The following SDK2 variants were observed in gnomAD, a reference collection of about 807,000 sequenced individuals.
SDK2 encodes the protein sidekick cell adhesion molecule 2.
SDK2 carries 105 observed loss-of-function variants against 253.9 expected under a neutral mutation model. The observed-to-expected ratio is 0.41, with a 90% CI of 0.35 to 0.49. SDK2 has a LOEUF of 0.49. Ranked by LOEUF, SDK2 falls within the 20% of genes least tolerant of loss-of-function variation. The pLI is 0.06. For synonymous variants in SDK2, 1,249 were observed against 1,234.9 expected (o/e 1.01, Z -0.24); for missense variants, 2,608 against 3,003.0 (o/e 0.87, Z 3.07).
chr17:73,379,126 G>T lies in SDK2; in HGVS notation c.4980+51C>A. 1.4e-6 allele frequency: 2 copies of T among 1,390,326 alleles called. No homozygotes were observed. The highest frequency in any genetic ancestry group is 1.3e-5 in the South Asian group (1 of 79,572). 86.1% of individuals were successfully genotyped at this position (1,390,326 alleles called of 1,614,324 possible). On this transcript the variant is annotated intron_variant, in intron 36 of 44. Coordinates refer to ENST00000392650, the MANE Select transcript of SDK2 (RefSeq NM_001144952.2). The surrounding 1 kb of genome is among the most constrained non-coding windows in gnomAD (Gnocchi z 4.5). ...ACATATCACTCACTCCCCAGCCTCC[G>T]ACCTGGCTTCTCATCCGTGCACCCC...
At position 73,361,697 on chromosome 17, in the gene SDK2, C is replaced by A; in HGVS notation, c.5454G>T (p.Thr1818=). Residue 1818 remains threonine, a synonymous_variant, in exon 39 of 45, where the codon ACG becomes ACT. Transcript: ENST00000392650. The surrounding 1 kb of genome is among the most constrained non-coding windows in gnomAD (Gnocchi z 4.1). The part of the protein sequence containing the change: ...YGPEIEANVT[T]GPGEGAPGPP... ...TTGCTCTCCTACCTTCTCCGGGGCC[C>A]GTGGTGACGTTGGCTTCGATCTCCG... 6.2e-7 allele frequency: 1 copy of A among 1,611,704 alleles called. No individual in the cohort carries two copies. The highest frequency in any genetic ancestry group is 8.5e-7 in the Non-Finnish European group (1 of 1,178,020).
chr17:73,535,161 G>A (rs2044753498), intron 1 of SDK2, among the ~76,000 whole-genome samples: 2 of 152,242 alleles, frequency 1.3e-5, no homozygotes. Flanking sequence ...CCATGTGTGA[G>A]GACAGCAGGG....
chr17:73,539,125 C>T (rs1380826808), intron 1 of SDK2, among the ~76,000 whole-genome samples: 3 of 152,158 alleles, frequency 2.0e-5, no homozygotes, highest in Non-Finnish European at 4.4e-5. Context: ...TTAGAAGTCC[C>T]CATCCCCAAA....
intron 37 of SDK2, among the ~76,000 whole-genome samples, chr17:73,366,757 TG>T (rs1462410461): frequency 3.3e-5 from 5 of 152,122 alleles, no homozygotes; most frequent in Non-Finnish European, 5.9e-5. Flanking sequence ...ACGGGGCTTC[TG>T]GGAGGGTTAA....
In SDK2 at chr17:73,358,069, C is replaced by G; in HGVS notation, c.5593+10G>C. On this transcript the variant is annotated intron_variant, in intron 40 of 44. Coordinates refer to ENST00000392650, the MANE Select transcript of SDK2 (RefSeq NM_001144952.2). ...GCTGTGGGGTCTCAGCCCAGCAGGG[C>G]GGGGCGCACCTGAAGGTCTGGCCTC... 1.2e-6 allele frequency: 2 copies of G among 1,612,992 alleles called. No homozygotes were observed. The highest frequency in any genetic ancestry group is 1.7e-6 in the Non-Finnish European group (2 of 1,179,742).
Position 73,437,953 on chromosome 17 carries a change from C to T in SDK2, c.916+11G>A, listed in dbSNP as rs757879676. 30 of 1,552,914 alleles carry T rather than the reference C, an allele frequency of 1.9e-5. No individual in the cohort carries two copies. The highest frequency in any genetic ancestry group is 2.6e-5 in the Non-Finnish European group (30 of 1,147,604). On this transcript the variant is annotated intron_variant, in intron 7 of 44. Transcript: ENST00000392650. The stretch of plus-strand genomic sequence containing the variant: ...CCTCAGGGGAGCCCTAGCAGCCCCA[C>T]CCTCTCTCACCCAGCACTGAGAGGT...
At position 73,438,110 on chromosome 17, in the gene SDK2, A is replaced by G; in HGVS notation, c.770T>C (p.Leu257Ser). 1 of 1,551,706 alleles carries G rather than the reference A, an allele frequency of 6.4e-7. No individual in the cohort carries two copies. The highest frequency in any genetic ancestry group is 8.7e-7 in the Non-Finnish European group (1 of 1,147,008). The change falls in exon 7 of 45, where the codon TTG (leucine) becomes TCG (serine). Residue 257 changes from leucine to serine, a missense_variant. Coordinates refer to ENST00000392650, the MANE Select transcript of SDK2 (RefSeq NM_001144952.2). ...GTGGTCACTGATGCCGCCCGACAGCAATACCCCGTCCTTCTTCCAAATGAT... is the reference window on the plus strand; with the variant it reads ...GTGGTCACTGATGCCGCCCGACAGCGATACCCCGTCCTTCTTCCAAATGAT... ...LHIIWKKDGV[L>S]LSGGISDHNR...
intron 43 of SDK2, among the ~76,000 whole-genome samples, chr17:73,349,160 G>A (rs1242848898): frequency 1.3e-5 from 2 of 152,204 alleles, no homozygotes; most frequent in Non-Finnish European, 2.9e-5. Flanking sequence ...ACATGTAGTA[G>A]GGCCCCGGAG....
chr17:73,343,380 C>A (rs949914925), intron 44 of SDK2, among the ~76,000 whole-genome samples: 1 of 152,276 alleles, frequency 6.6e-6, no homozygotes, highest in Non-Finnish European at 1.5e-5. Flanking sequence ...CTCCCGCCTC[C>A]ATCTCCCTGA....
intron 1 of SDK2, among the ~76,000 whole-genome samples, chr17:73,602,193 G>A (rs1228179192): frequency 6.6e-6 from 1 of 152,186 alleles, no homozygotes; most frequent in Non-Finnish European, 1.5e-5. Context: ...AAACAAGGCA[G>A]TGACACAACT....
chr17:73,641,595 C>CA (rs1341983519), intron 1 of SDK2, among the ~76,000 whole-genome samples: 12 of 151,584 alleles, frequency 7.9e-5, no homozygotes, highest in Non-Finnish European at 1.3e-4. Flanking sequence ...CCCCCATCCC[C>CA]AAAAAAAACC....
rs1236207464 is a variant in SDK2 at position 73,423,485 on chromosome 17, G to T, written c.1798C>A (p.Leu600Ile). 1.9e-6 allele frequency: 3 copies of T among 1,591,758 alleles called. No homozygotes were observed. Among genetic ancestry groups the T allele is most frequent in the Admixed American group, 1.7e-5 (1 of 57,908 alleles). Reference protein sequence around the residue: ...PHAPEHPVATLSTVERRAINL... With the variant: ...PHAPEHPVATISTVERRAINL... ...ATGGCTCGCCTTTCCACGGTGCTGA[G>T]AGTGGCCACTGGGTGCTCGGGCGCG... Residue 600 changes from leucine (L) to isoleucine (I), a missense_variant, in exon 14 of 45, where the codon CTC becomes ATC. Physicochemically the swap from Leu to Ile is conservative, Grantham distance 5. This residue lies in a region of SDK2 where 1,505 missense variants were observed against 1,859.1 expected (regional missense o/e 0.81). Coordinates refer to ENST00000392650, the MANE Select transcript of SDK2 (RefSeq NM_001144952.2).
chr17:73,627,893 C>T (rs2046222132), intron 1 of SDK2, among the ~76,000 whole-genome samples: 1 of 151,102 alleles, frequency 6.6e-6, no homozygotes, highest in African/African-American at 2.4e-5. Context: ...ACTACAAATA[C>T]AAAAAAAAAT....
chr17:73,390,540 C>T (rs544196282), intron 28 of SDK2, 59 bp from the exon 29 acceptor site: 39 of 1,515,574 alleles, frequency 2.6e-5, no homozygotes, highest in African/African-American at 8.2e-5. Context: ...CCTAGGGCCC[C>T]GGGAAGGGTT....
intron 2 of SDK2, among the ~76,000 whole-genome samples, chr17:73,486,039 A>G (rs1363533524): frequency 6.6e-6 from 1 of 152,168 alleles, no homozygotes; most frequent in African/African-American, 2.4e-5. Flanking sequence ...ACCATGTACA[A>G]TGATGCTGGG....
rs2063725174 is a variant in SDK2 at position 73,481,676 on chromosome 17, G to T, written c.225-9458C>A. On this transcript the variant is annotated intron_variant, in intron 2 of 44. Transcript: ENST00000392650. This position sits in a 1 kb window ranked among gnomAD's most constrained non-coding sequence, Gnocchi z 4.5. ...CTCGGATGGCACAAAAAGGCGGAGGGAGGAGGAATGTGCTGTCTTGGGAGG... is the reference window on the plus strand; with the variant it reads ...CTCGGATGGCACAAAAAGGCGGAGGTAGGAGGAATGTGCTGTCTTGGGAGG... 6.6e-6 allele frequency among the ~76,000 whole-genome samples: 1 copy of T among 152,144 alleles called. No individual in the cohort carries two copies. Among genetic ancestry groups the T allele is most frequent in the Non-Finnish European group, 1.5e-5 (1 of 68,020 alleles).
intron 2 of SDK2, among the ~76,000 whole-genome samples, chr17:73,485,648 T>A (rs1220702639): frequency 6.6e-6 from 1 of 152,220 alleles, no homozygotes; most frequent in Non-Finnish European, 1.5e-5. Context: ...AGTTCACACA[T>A]TTTTAGCAAA....
chr17:73,361,475 G>T lies in SDK2; in HGVS notation c.5467+209C>A, dbSNP rs1294206046. ...AGGGGGCGCTGCTCCAGGGTTTGTGGCTTGAGGAACCTGAGGACACATTAA... is the reference window on the plus strand; with the variant it reads ...AGGGGGCGCTGCTCCAGGGTTTGTGTCTTGAGGAACCTGAGGACACATTAA... On this transcript the variant is annotated intron_variant, in intron 39 of 44. Transcript: ENST00000392650. The surrounding 1 kb of genome is among the most constrained non-coding windows in gnomAD (Gnocchi z 4.1). Among the ~76,000 whole-genome samples the T allele has an allele frequency of 3.9e-5, 6 of 152,158 alleles. No individual in the cohort carries two copies. The highest frequency in any genetic ancestry group is 4.8e-5 in the African/African-American group (2 of 41,450).
intron 4 of SDK2, among the ~76,000 whole-genome samples, chr17:73,451,492 G>A (rs554391361): frequency 1.3e-5 from 2 of 152,232 alleles, no homozygotes; most frequent in South Asian, 2.1e-4. Flanking sequence ...CATCAAGAGC[G>A]AAAATCCATC....
Sources: allele counts gnomAD v4.1 joint callset (sites outside exome capture counted in the v4.1 genomes callset), GRCh38; gene constraint gnomAD v4.1.1; regional missense constraint gnomAD v4.1.1; non-coding constraint Gnocchi (gnomAD v3.1); transcripts MANE v1.5; gene names NCBI Gene and HGNC (gene_info 2026-07-23, HGNC 2026-07-21).